Variants in ASCC3 observed in about 807,000 individuals in gnomAD.
ASCC3 encodes the protein activating signal cointegrator 1 complex subunit 3, also known as ASC-1 complex subunit P200.
A neutral mutation model predicts 256.3 loss-of-function variants in ASCC3; 158 were observed. That is an observed-to-expected ratio of 0.62 (90% CI 0.54 to 0.70). ASCC3 has a LOEUF of 0.70. Ranked by LOEUF, ASCC3 falls within the 30% of genes least tolerant of loss-of-function variation. The pLI is 0.00. For synonymous variants in ASCC3, 948 were observed against 883.4 expected (o/e 1.07, Z -1.30); for missense variants, 2,259 against 2,626.0 (o/e 0.86, Z 3.05).
intron 17 of ASCC3, among the ~76,000 whole-genome samples, chr6:100,653,490 T>C (rs944873666): frequency 1.3e-5 from 2 of 151,494 alleles, no homozygotes; most frequent in Non-Finnish European, 3.0e-5. Flanking sequence ...ATACAAAAAT[T>C]AGCTGGGTAT....
At chr6:100,700,905 G>A (rs1171604153) in intron 13 of ASCC3, among the ~76,000 whole-genome samples, 2 of 152,146 alleles carry the variant, frequency 1.3e-5, no homozygotes, top group African/African-American at 4.8e-5. Flanking sequence ...TTTGGACTGC[G>A]GGCTTTTGAG....
At chr6:100,527,015 T>C (rs1181571858) in intron 37 of ASCC3, among the ~76,000 whole-genome samples, 1 of 152,200 alleles carries the variant, frequency 6.6e-6, no homozygotes, top group East Asian at 1.9e-4. Context: ...CAGTCTTGCC[T>C]ATAAAAGAAC....
At chr6:100,774,275 A>C (rs1189985766) in intron 8 of ASCC3, among the ~76,000 whole-genome samples, 1 of 152,120 alleles carries the variant, frequency 6.6e-6, no homozygotes, top group African/African-American at 2.4e-5. Flanking sequence ...CTCCTGCCTC[A>C]ACCTTCTGAG....
At chr6:100,737,636 G>A (rs1780244298) in intron 10 of ASCC3, among the ~76,000 whole-genome samples, 1 of 152,126 alleles carries the variant, frequency 6.6e-6, no homozygotes, top group Non-Finnish European at 1.5e-5. Context: ...TCATTGATGG[G>A]CATTTAGGTT....
At chr6:100,675,705 C>T (rs969544303) in intron 14 of ASCC3, among the ~76,000 whole-genome samples, 4 of 152,072 alleles carry the variant, frequency 2.6e-5, no homozygotes, top group Non-Finnish European at 4.4e-5. Context: ...AGGCTTATTA[C>T]GTGGTAGAAA....
At chr6:100,646,032 G>A (rs1775362971) in intron 22 of ASCC3, among the ~76,000 whole-genome samples, 1 of 152,018 alleles carries the variant, frequency 6.6e-6, no homozygotes, top group African/African-American at 2.4e-5. Context: ...GAGACATCAA[G>A]ATGAAAAATG....
chr6:100,522,636 G>T (rs1774368186), intron 37 of ASCC3, among the ~76,000 whole-genome samples: 1 of 151,994 alleles, frequency 6.6e-6, no homozygotes, highest in South Asian at 2.1e-4. Context: ...ATGACATCTG[G>T]AAAGGGAAGG....
At chr6:100,604,822 C>T (rs1186561306) in intron 33 of ASCC3, among the ~76,000 whole-genome samples, 1 of 151,942 alleles carries the variant, frequency 6.6e-6, no homozygotes, top group Non-Finnish European at 1.5e-5. Flanking sequence ...CAGGATAAAT[C>T]AGATGTTTTG....
chr6:100,725,389 C>A (rs1779573301), intron 11 of ASCC3, 150 bp downstream of exon 11: 2 of 956,636 alleles, frequency 2.1e-6, no homozygotes, highest in African/African-American at 1.6e-5. Context: ...AAACTAGGGA[C>A]AACAGGTACA....
intron 36 of ASCC3, among the ~76,000 whole-genome samples, chr6:100,551,804 C>T (rs561668052): frequency 3.2e-4 from 48 of 152,084 alleles, no homozygotes; most frequent in Non-Finnish European, 6.8e-4. Flanking sequence ...GCTATTACTT[C>T]CTTTGACAGT....
intron 10 of ASCC3, among the ~76,000 whole-genome samples, chr6:100,736,233 G>C (rs964241834): frequency 6.6e-6 from 1 of 152,162 alleles, no homozygotes; most frequent in East Asian, 1.9e-4. Flanking sequence ...CTACTATGTA[G>C]CTATGTAGGT....
intron 8 of ASCC3, among the ~76,000 whole-genome samples, chr6:100,771,248 C>A (rs978432053): frequency 1.3e-5 from 2 of 152,056 alleles, no homozygotes; most frequent in Non-Finnish European, 2.9e-5. Flanking sequence ...TGACTTGAAA[C>A]CATACCTTGT....
intron 8 of ASCC3, among the ~76,000 whole-genome samples, chr6:100,795,316 G>A (rs1439205519): frequency 2.0e-5 from 3 of 151,290 alleles, no homozygotes; most frequent in Non-Finnish European, 2.9e-5. Flanking sequence ...ATCAGGGGAT[G>A]AAAAATAATA....
intron 10 of ASCC3, among the ~76,000 whole-genome samples, chr6:100,759,640 G>A (rs1781341086): frequency 6.6e-6 from 1 of 152,018 alleles, no homozygotes; most frequent in African/African-American, 2.4e-5. Flanking sequence ...GCTATCCAGG[G>A]TCTTCTTTGA....
At chr6:100,842,128 TG>T (rs1772172381) in intron 4 of ASCC3, among the ~76,000 whole-genome samples, 1 of 152,236 alleles carries the variant, frequency 6.6e-6, no homozygotes, top group African/African-American at 2.4e-5. Context: ...CCAATCTGGC[TG>T]ATATGATATC....
intron 37 of ASCC3, among the ~76,000 whole-genome samples, chr6:100,523,974 T>C (rs1488011750): frequency 1.3e-5 from 2 of 152,116 alleles, no homozygotes; most frequent in Non-Finnish European, 2.9e-5. Flanking sequence ...GCACAGATTA[T>C]ACAACACTTT....
chr6:100,756,837 A>G (rs556378576), intron 10 of ASCC3, among the ~76,000 whole-genome samples: 227 of 152,262 alleles, frequency 1.5e-3, no homozygotes, highest in African/African-American at 5.4e-3. Flanking sequence ...AACAACAGCC[A>G]TTATGAAATA....
intron 16 of ASCC3, among the ~76,000 whole-genome samples, chr6:100,656,326 A>T (rs1037186398): frequency 9.9e-5 from 15 of 151,656 alleles, no homozygotes; most frequent in African/African-American, 3.6e-4. Flanking sequence ...ACGAATTTGC[A>T]GGACTGCGAG....
intron 10 of ASCC3, among the ~76,000 whole-genome samples, chr6:100,758,311 T>C (rs1045038832): frequency 6.6e-6 from 1 of 151,964 alleles, no homozygotes; most frequent in Non-Finnish European, 1.5e-5. Context: ...TACACAGGTA[T>C]ATGTGTGCCA....
Sources: allele counts gnomAD v4.1 joint callset (sites outside exome capture counted in the v4.1 genomes callset), GRCh38; gene constraint gnomAD v4.1.1; transcripts MANE v1.5; gene names NCBI Gene and HGNC (gene_info 2026-07-23, HGNC 2026-07-21).